Variants in BAHCC1 observed in about 807,000 individuals in gnomAD.
The protein encoded by BAHCC1 is BAH and coiled-coil domain-containing protein 1.
In BAHCC1, 43 loss-of-function variants were observed where a neutral mutation model predicts 88.2. The observed-to-expected ratio is 0.49, with a 90% confidence interval of 0.38 to 0.63. The LOEUF is 0.63. Ranked by LOEUF, BAHCC1 falls within the 20% of genes least tolerant of loss-of-function variation. The pLI is 0.00. For synonymous variants in BAHCC1, 1,510 were observed against 745.5 expected, an observed-to-expected ratio of 2.03 and a Z score of -16.71; for missense variants, 3,023 against 1,654.8, an observed-to-expected ratio of 1.83 and a Z score of -14.34.
chr17:81,422,268 C>G (rs112616116), intron 2 of BAHCC1, among the ~76,000 whole-genome samples: 2 of 152,346 alleles, frequency 1.3e-5, no homozygotes, highest in African/African-American at 2.4e-5. Context: ...ACCTTGGCCT[C>G]CCAAAGTGCT....
chr17:81,446,526 CTTTTTTTTTTTTT>C (rs869297780), intron 10 of BAHCC1, among the ~76,000 whole-genome samples: 73 of 49,210 alleles, frequency 1.5e-3, no homozygotes, highest in South Asian at 0.011. Flanking sequence ...CTGCTCACAC[CTTTTTTTTTTTTT>C]TTTTTTTTTT....
In BAHCC1 at chr17:81,463,827, C is replaced by T. The variant is rs782598233; in HGVS notation, c.*10C>T. On this transcript the variant is annotated 3_prime_UTR_variant, in exon 28 of 28. Coordinates refer to ENST00000675386, the MANE Select transcript of BAHCC1 (RefSeq NM_001377448.1). ...GCCCATCCTATGCTGAGCCGCCCAC[C>T]GCAGATGCCTCCCACGTGCGCCAGG... 1.7e-5 allele frequency: 12 copies of T among 713,420 alleles called. 1 individual carries two copies. Among genetic ancestry groups the T allele is most frequent in the Middle Eastern group, 6.1e-4 (2 of 3,268 alleles). The allele number at this position is 713,420 out of a possible 1,614,324, so 44.2% of individuals were successfully genotyped here.
At chr17:81,421,174 C>T (rs1555649544) in intron 2 of BAHCC1, among the ~76,000 whole-genome samples, 1 of 152,264 alleles carries the variant, frequency 6.6e-6, no homozygotes, top group Non-Finnish European at 1.5e-5. Flanking sequence ...GCTGCCTCCG[C>T]CTGGGCTGGT....
chr17:81,410,118 G>T, intron 2 of BAHCC1: 1 of 309,282 alleles, frequency 3.2e-6, no homozygotes, highest in Non-Finnish European at 6.8e-6. Context: ...TGCAGTTGTG[G>T]CCCCGGTGCC....
In BAHCC1 at chr17:81,443,797, G is replaced by T. The variant is rs375573223; in HGVS notation, c.2216-12G>T. 5.6e-6 allele frequency: 4 copies of T among 709,056 alleles called. No individual in the cohort carries two copies. Among genetic ancestry groups the T allele is most frequent in the South Asian group, 1.5e-5 (1 of 67,560 alleles). 43.9% of individuals were successfully genotyped at this position (709,056 alleles called of 1,614,324 possible). A position where few individuals can be genotyped will look rare whatever the true frequency, so the allele number is the denominator to read the frequency against. On this transcript the variant is annotated splice_polypyrimidine_tract_variant and intron_variant, in intron 5 of 27. Coordinates refer to ENST00000675386, the MANE Select transcript of BAHCC1 (RefSeq NM_001377448.1). ...CCAACCCTCTCCCGTCTGCTGTCTC[G>T]ACCCTGTGCAGGTGGCGGTGGGCCC...
intron 2 of BAHCC1, among the ~76,000 whole-genome samples, chr17:81,406,369 G>A (rs1409192407): frequency 2.6e-5 from 4 of 152,154 alleles, no homozygotes; most frequent in African/African-American, 9.7e-5. Flanking sequence ...CCCCCTCCCA[G>A]CCCCCGCTCC....
rs2143266400 is a variant in BAHCC1 at position 81,411,324 on chromosome 17, A to C, written c.178+11407A>C. ...CAGGAGCTGGACGTGCCGTCAGCCC[A>C]GGCCCCTGAGAGTGAGGCTGGAGAG... On this transcript the variant is annotated intron_variant, in intron 2 of 27. Coordinates refer to ENST00000675386, the MANE Select transcript of BAHCC1 (RefSeq NM_001377448.1). The surrounding 1 kb of genome is among the most constrained non-coding windows in gnomAD (Gnocchi z 6.2). Among the ~76,000 whole-genome samples, 1 of 149,704 alleles carries C rather than the reference A, an allele frequency of 6.7e-6. No individual in the cohort carries two copies.
intron 11 of BAHCC1, among the ~76,000 whole-genome samples, chr17:81,449,203 C>T (rs1479549777): frequency 2.6e-5 from 4 of 152,136 alleles, no homozygotes; most frequent in Non-Finnish European, 5.9e-5. Flanking sequence ...GGCCAGGTGT[C>T]CCAATCCCCA....
intron 10 of BAHCC1, 61 bp downstream of exon 10, chr17:81,445,742 C>G (rs994143500): frequency 2.9e-6 from 2 of 691,922 alleles, no homozygotes; most frequent in South Asian, 3.1e-5. Context: ...CACCCCTGCC[C>G]GGCAGGGCTG....
At position 81,435,231 on chromosome 17, in the gene BAHCC1, G is replaced by A. The variant is rs1241635261; in HGVS notation, c.359-3139G>A. On this transcript the variant is annotated intron_variant, in intron 3 of 27. Coordinates refer to ENST00000675386, the MANE Select transcript of BAHCC1 (RefSeq NM_001377448.1). The surrounding 1 kb of genome is among the most constrained non-coding windows in gnomAD (Gnocchi z 4.4). Reference sequence around the variant, plus strand: ...GTGGTTGGGAGGGGTCTGGGGGTGTGGCCATTGTGTCCCCCGCCCAGCCCA... The same window carrying A: ...GTGGTTGGGAGGGGTCTGGGGGTGTAGCCATTGTGTCCCCCGCCCAGCCCA... Among the ~76,000 whole-genome samples the A allele has an allele frequency of 6.6e-6, 1 of 152,160 alleles. No homozygotes were observed. The highest frequency in any genetic ancestry group is 6.5e-5 in the Admixed American group (1 of 15,290).
At position 81,464,095 on chromosome 17, in the gene BAHCC1, C is replaced by G. The variant is rs550042172; in HGVS notation, c.*278C>G. ...CCCACCCACAGCGCCCTCCGTTTCCCGCACCGGCAGTTCACGGGAGATTTG... is the reference window on the plus strand; with the variant it reads ...CCCACCCACAGCGCCCTCCGTTTCCGGCACCGGCAGTTCACGGGAGATTTG... On this transcript the variant is annotated 3_prime_UTR_variant, in exon 28 of 28. Transcript: ENST00000675386. 1.9e-6 allele frequency: 1 copy of G among 538,894 alleles called. No homozygotes were observed. Among genetic ancestry groups the G allele is most frequent in the African/African-American group, 1.9e-5 (1 of 52,760 alleles). 33.4% of individuals were successfully genotyped at this position (538,894 alleles called of 1,614,324 possible). A position where few individuals can be genotyped will look rare whatever the true frequency, so the allele number is the denominator to read the frequency against.
intron 2 of BAHCC1, among the ~76,000 whole-genome samples, chr17:81,420,831 C>T (rs1183400335): frequency 1.3e-5 from 2 of 152,262 alleles, no homozygotes; most frequent in Non-Finnish European, 2.9e-5. Context: ...ATGCTGCCTC[C>T]TGTGATGAGA....
chr17:81,422,368 G>C (rs2064126377), intron 2 of BAHCC1, among the ~76,000 whole-genome samples: 1 of 152,206 alleles, frequency 6.6e-6, no homozygotes, highest in Non-Finnish European at 1.5e-5. Context: ...CATAATGTTT[G>C]TATGACAAGG....
intron 2 of BAHCC1, among the ~76,000 whole-genome samples, chr17:81,422,199 A>G (rs550007078): frequency 6.6e-6 from 1 of 152,180 alleles, no homozygotes; most frequent in African/African-American, 2.4e-5. Flanking sequence ...TTTAGTAGAG[A>G]CAGGGTTTCA....
chr17:81,418,798 T>TGTGTGTGTGCGCGC (rs1555649115), intron 2 of BAHCC1, among the ~76,000 whole-genome samples: 11 of 66,270 alleles, frequency 1.7e-4, no homozygotes, highest in Admixed American at 6.2e-4. Flanking sequence ...CGTGTGTGCG[T>TGTGTGTGTGCGCGC]GTGTGTGTGT....
intron 13 of BAHCC1, 58 bp downstream of exon 13, chr17:81,452,165 G>A (rs952048054): frequency 8.2e-5 from 46 of 558,076 alleles, no homozygotes; most frequent in Non-Finnish European, 1.3e-4. Flanking sequence ...CCCCCGGGAG[G>A]CGCCCACAGT....
rs781999779 is a variant in BAHCC1, at chr17:81,442,556, G to A, written c.1207G>A (p.Asp403Asn). 15 of 744,702 alleles carry A rather than the reference G, an allele frequency of 2.0e-5. No homozygotes were observed. Among genetic ancestry groups the A allele is most frequent in the Middle Eastern group, 2.4e-4 (1 of 4,160 alleles). 46.1% of individuals were successfully genotyped at this position (744,702 alleles called of 1,614,324 possible). A position where few individuals can be genotyped will look rare whatever the true frequency, so the allele number is the denominator to read the frequency against. The change falls in exon 5 of 28, where the codon GAC becomes AAC. Residue 403 changes from aspartate (D) to asparagine (N), a missense_variant. Asp to Asn is a conservative substitution (Grantham distance 23). Transcript: ENST00000675386. ...TFVPSVGHLA[D>N]KGRPFQAAEA... ...CGTGCCTTCTGTGGGACACCTGGCC[G>A]ACAAGGGCCGCCCCTTCCAGGCCGC...
In BAHCC1 at chr17:81,460,890, G is replaced by A. The variant is rs2030193088; in HGVS notation, c.6227G>A (p.Gly2076Asp). The A allele has an allele frequency of 2.6e-6, 2 of 766,936 alleles. No homozygotes were observed. The highest frequency in any genetic ancestry group is 2.7e-5 in the South Asian group (2 of 74,620). The allele number at this position is 766,936 out of a possible 1,614,324, so 47.5% of individuals were successfully genotyped here. A position where few individuals can be genotyped will look rare whatever the true frequency, so the allele number is the denominator to read the frequency against. Residue 2076 changes from glycine to aspartate, a missense_variant, in exon 26 of 28, where the codon GGT (glycine) becomes GAT (aspartate). By Grantham distance (94) the Gly-to-Asp change is moderately conservative. Coordinates refer to ENST00000675386, the MANE Select transcript of BAHCC1 (RefSeq NM_001377448.1). ...GGTAAAGCCGAACTCCTAACCTCAGGTGCCAAATCCCCCACGGGGGCCTCC... is the reference window on the plus strand; with the variant it reads ...GGTAAAGCCGAACTCCTAACCTCAGATGCCAAATCCCCCACGGGGGCCTCC... Reference protein sequence around the residue: ...KAGKAELLTSGAKSPTGASDH... With the variant: ...KAGKAELLTSDAKSPTGASDH...
Position 81,460,542 on chromosome 17 carries a change from C to G in BAHCC1, c.6038C>G (p.Ser2013Cys). ...PDFKIQCTEP[S>C]PALLVSSSCR... ...ATGCTATCCACAGGCACAGAGCCCT[C>G]TCCAGCCCTGCTAGTGTCTAGCAGC... Residue 2013 changes from serine (S) to cysteine (C), a missense_variant, in exon 25 of 28, where the codon TCT (serine) becomes TGT (cysteine). Physicochemically the swap from Ser to Cys is moderately radical, Grantham distance 112. Transcript: ENST00000675386. 1 of 755,714 alleles carries G rather than the reference C, an allele frequency of 1.3e-6. No individual in the cohort carries two copies. The highest frequency in any genetic ancestry group is 2.5e-5 in the East Asian group (1 of 40,682). The allele number at this position is 755,714 out of a possible 1,614,324, so 46.8% of individuals were successfully genotyped here.
Sources: gnomAD v4.1 joint callset for allele counts (sites outside exome capture counted in the v4.1 genomes callset) on GRCh38, gnomAD v4.1.1 for gene constraint, Gnocchi (gnomAD v3.1) non-coding constraint, MANE v1.5 for transcripts, NCBI Gene and HGNC (gene_info 2026-07-23, HGNC 2026-07-21) for gene names.